RSU1: variants seen among roughly 807,000 people sequenced by gnomAD.
RSU1 encodes the protein Ras suppressor protein 1, also known as rsu-1.
RSU1 carries 26 observed loss-of-function variants against 31.1 expected under a neutral mutation model. The observed-to-expected ratio is 0.84, with a 90% CI of 0.61 to 1.16. The LOEUF (loss-of-function observed/expected upper bound fraction) is 1.16. Ranked by LOEUF, RSU1 falls within the 50% of genes most tolerant of loss-of-function variation. The pLI, the probability that RSU1 is intolerant of heterozygous loss-of-function variation, is 0.00. For missense variants in RSU1, 320 were observed against 339.1 expected (o/e 0.94, Z 0.44); for synonymous variants, 164 against 136.3 (o/e 1.20, Z -1.41).
rs1488560291 is a variant in RSU1 at position 16,701,632 on chromosome 10, AC to A, written c.599-6478del. ...GTACAACTTACACACACACACACAC[AC>A]AAAAAGATTTAAAAAGAGAAAACCA... is the stretch of plus-strand genomic sequence containing the variant. On this transcript the variant is annotated intron_variant, in intron 7 of 8. Transcript: ENST00000345264. Among the ~76,000 whole-genome samples the A allele has an allele frequency of 1.5e-4, 23 of 152,286 alleles. No homozygotes were observed. The East Asian group carries it at 3.3e-3, about 22-fold the overall frequency.
chr10:16,802,091 C>T (rs1838168426), intron 2 of RSU1, among the ~76,000 whole-genome samples: 1 of 150,854 alleles, frequency 6.6e-6, no homozygotes, highest in Non-Finnish European at 1.5e-5. Flanking sequence ...GGGCAGAAAT[C>T]AGTGATACTT....
chr10:16,622,479 G>A (rs1380744671), intron 8 of RSU1, among the ~76,000 whole-genome samples: 1 of 152,118 alleles, frequency 6.6e-6, no homozygotes, highest in African/African-American at 2.4e-5. Context: ...GTGCTCATGT[G>A]GAAAAACAAT....
intron 7 of RSU1, among the ~76,000 whole-genome samples, chr10:16,741,466 G>C (rs1179568956): frequency 6.6e-6 from 1 of 152,140 alleles, no homozygotes; most frequent in Non-Finnish European, 1.5e-5. Context: ...GTACAACTCT[G>C]AACATACTAA....
At chr10:16,815,284 T>C (rs1231834137) in intron 2 of RSU1, among the ~76,000 whole-genome samples, 1 of 152,250 alleles carries the variant, frequency 6.6e-6, no homozygotes, top group East Asian at 1.9e-4. Flanking sequence ...CGTATTTTCA[T>C]AAAGCCTACG....
intron 2 of RSU1, among the ~76,000 whole-genome samples, chr10:16,782,775 A>G (rs1837681160): frequency 6.6e-6 from 1 of 152,228 alleles, no homozygotes; most frequent in Non-Finnish European, 1.5e-5. Context: ...ATAAATAAAG[A>G]AAATATATAC....
chr10:16,668,065 G>A (rs948152058), intron 8 of RSU1, among the ~76,000 whole-genome samples: 7 of 152,186 alleles, frequency 4.6e-5, no homozygotes, highest in Non-Finnish European at 8.8e-5. Context: ...AGTGAGAAAT[G>A]CTTGGGTTTC....
chr10:16,703,328 CA>C (rs1835833755), intron 7 of RSU1, among the ~76,000 whole-genome samples: 2 of 152,212 alleles, frequency 1.3e-5, no homozygotes, highest in South Asian at 2.1e-4. Context: ...ATTTTCCCTA[CA>C]TTGCTGGTTA....
intron 3 of RSU1, among the ~76,000 whole-genome samples, chr10:16,780,720 A>G (rs1210606364): frequency 6.6e-6 from 1 of 152,216 alleles, no homozygotes; most frequent in Non-Finnish European, 1.5e-5. Flanking sequence ...CCACGCTTCA[A>G]AACAGACCAT....
At chr10:16,666,259 T>G (rs965081259) in intron 8 of RSU1, among the ~76,000 whole-genome samples, 2 of 152,186 alleles carry the variant, frequency 1.3e-5, no homozygotes, top group Non-Finnish European at 2.9e-5. Context: ...AGGATATGAT[T>G]TGAAATAATA....
intron 8 of RSU1, among the ~76,000 whole-genome samples, chr10:16,643,539 T>C (rs1360164802): frequency 6.6e-6 from 1 of 152,168 alleles, no homozygotes; most frequent in East Asian, 1.9e-4. Flanking sequence ...CTTCCAAGAA[T>C]TAAAATGACA....
At chr10:16,777,400 G>A (rs891675203) in intron 3 of RSU1, among the ~76,000 whole-genome samples, 2 of 152,048 alleles carry the variant, frequency 1.3e-5, no homozygotes, top group African/African-American at 2.4e-5. Flanking sequence ...AAAATGATAC[G>A]TGAAACTGAA....
chr10:16,639,799 T>C (rs1372630898), intron 8 of RSU1, among the ~76,000 whole-genome samples: 2 of 152,234 alleles, frequency 1.3e-5, no homozygotes, highest in Non-Finnish European at 2.9e-5. Context: ...TGCATCTATC[T>C]GTCTGTGCCT....
At chr10:16,663,390 T>G (rs1388215194) in intron 8 of RSU1, among the ~76,000 whole-genome samples, 1 of 152,204 alleles carries the variant, frequency 6.6e-6, no homozygotes, top group Non-Finnish European at 1.5e-5. Flanking sequence ...CTATTTAAGG[T>G]TGTAATTTGC....
chr10:16,670,216 C>T (rs1008035561), intron 8 of RSU1, among the ~76,000 whole-genome samples: 19 of 152,276 alleles, frequency 1.2e-4, no homozygotes, highest in South Asian at 1.0e-3. Context: ...CAGAAGAAAG[C>T]GCAGGGGCTA....
intron 2 of RSU1, among the ~76,000 whole-genome samples, chr10:16,811,256 G>A (rs74489437): frequency 0.017 from 2,557 of 152,168 alleles, 81 homozygotes; most frequent in African/African-American, 0.058. Context: ...ACACCATCTG[G>A]GTGTGTGTAG....
intron 2 of RSU1, among the ~76,000 whole-genome samples, chr10:16,797,934 T>C (rs2131667962): frequency 6.9e-6 from 1 of 145,766 alleles, no homozygotes; most frequent in South Asian, 2.2e-4. Context: ...CAATCTCGGC[T>C]CACTGTAACC....
At chr10:16,781,641 T>C (rs1039214567) in intron 3 of RSU1, among the ~76,000 whole-genome samples, 3 of 152,220 alleles carry the variant, frequency 2.0e-5, no homozygotes, top group Non-Finnish European at 4.4e-5. Flanking sequence ...ATGGAACCAC[T>C]TCCAGAGCAA....
At chr10:16,803,890 A>G (rs538512105) in intron 2 of RSU1, among the ~76,000 whole-genome samples, 1 of 152,224 alleles carries the variant, frequency 6.6e-6, no homozygotes, top group African/African-American at 2.4e-5. Context: ...AGATATAACA[A>G]AGGAGAAAAA....
chr10:16,723,857 A>G lies in RSU1; in HGVS notation c.598+28682T>C, dbSNP rs565573158. The stretch of plus-strand genomic sequence containing the variant: ...GTGCAGAGATATACCAACATGGTAA[A>G]TATTCACCATGTTAGTAATCCTCAC... On this transcript the variant is annotated intron_variant, in intron 7 of 8. Transcript: ENST00000345264. Among the ~76,000 whole-genome samples the G allele has an allele frequency of 6.6e-5, 10 of 152,346 alleles. No individual in the cohort carries two copies. In the East Asian group the frequency reaches 1.7e-3, roughly 26 times the overall value.
Sources: allele counts gnomAD v4.1 joint callset (sites outside exome capture counted in the v4.1 genomes callset), GRCh38; gene constraint gnomAD v4.1.1; transcripts MANE v1.5; gene names NCBI Gene and HGNC (gene_info 2026-07-23, HGNC 2026-07-21).